The following SIPA1L2 variants were observed in gnomAD, a reference collection of about 807,000 sequenced individuals.
SIPA1L2 encodes signal induced proliferation associated 1 like 2.
SIPA1L2 carries 56 observed loss-of-function variants against 163.9 expected under a neutral mutation model. That is an observed-to-expected ratio of 0.34 (90% CI 0.28 to 0.43). The LOEUF is 0.43. Ranked by LOEUF, SIPA1L2 falls within the 20% of genes least tolerant of loss-of-function variation. The pLI is 1.00. For missense variants in SIPA1L2, 1,974 were observed against 2,193.5 expected, an observed-to-expected ratio of 0.90 and a Z score of 2.00; for synonymous variants, 877 against 865.7, an observed-to-expected ratio of 1.01 and a Z score of -0.23.
At chr1:232,443,347 T>A (rs373699338) in intron 12 of SIPA1L2, among the ~76,000 whole-genome samples, 1 of 152,170 alleles carries the variant, frequency 6.6e-6, no homozygotes, top group African/African-American at 2.4e-5. Context: ...AGCCCTCACA[T>A]CCTTAATTTT....
rs201731898 is a variant in SIPA1L2 at position 232,510,519 on chromosome 1, CTTAT to C, written c.1483+3334_1483+3337del. 6.6e-3 allele frequency among the ~76,000 whole-genome samples: 1,003 copies of C among 152,266 alleles called. 25 individuals carry two copies. The South Asian group carries it at 0.078, about 12-fold the overall frequency. ...TCTACACTCAGATTCTTCTTTGGAG[CTTAT>C]TTATTTCACATTCAAACCTAAGCAG... On this transcript the variant is annotated intron_variant, in intron 3 of 22. Transcript: ENST00000674635.
At chr1:232,546,450 A>G (rs1030508482) in intron 2 of SIPA1L2, among the ~76,000 whole-genome samples, 1 of 152,198 alleles carries the variant, frequency 6.6e-6, no homozygotes, top group African/African-American at 2.4e-5. Context: ...CTAGTAAAAG[A>G]TTTAACAGGA....
chr1:232,488,392 C>T (rs1343536015), intron 5 of SIPA1L2, among the ~76,000 whole-genome samples: 1 of 152,170 alleles, frequency 6.6e-6, no homozygotes, highest in Non-Finnish European at 1.5e-5. Flanking sequence ...ATAAACTCTC[C>T]ACCACCCTAA....
intron 2 of SIPA1L2, among the ~76,000 whole-genome samples, chr1:232,555,647 C>G (rs1190961975): frequency 6.6e-6 from 1 of 152,128 alleles, no homozygotes; most frequent in Non-Finnish European, 1.5e-5. Flanking sequence ...GAGTAAAGGT[C>G]CAGACCATGA....
At chr1:232,494,058 G>A (rs894156102) in intron 3 of SIPA1L2, among the ~76,000 whole-genome samples, 11 of 152,150 alleles carry the variant, frequency 7.2e-5, no homozygotes, top group Admixed American at 2.6e-4. Flanking sequence ...ATCTTTTACC[G>A]AATGAGGGCA....
chr1:232,411,118 G>C (rs1286894339), intron 19 of SIPA1L2, among the ~76,000 whole-genome samples: 1 of 152,190 alleles, frequency 6.6e-6, no homozygotes, highest in Non-Finnish European at 1.5e-5. Context: ...TGCATCTCTA[G>C]ATTGCCCTTT....
At chr1:232,480,282 C>CA (rs967837951) in intron 6 of SIPA1L2, among the ~76,000 whole-genome samples, 2 of 151,514 alleles carry the variant, frequency 1.3e-5, no homozygotes, top group East Asian at 3.9e-4. Context: ...GAAATGAGAA[C>CA]AAAAAATGTT....
At position 232,443,701 on chromosome 1, in the gene SIPA1L2, G is replaced by C; in HGVS notation, c.3354-16C>G. On this transcript the variant is annotated splice_polypyrimidine_tract_variant and intron_variant, in intron 11 of 22. Transcript: ENST00000674635. ...GGGTGAGCTTCTGAAAGGTTGAGTA[G>C]AATCATTAACAGGGCACTGAACTAT... The C allele has an allele frequency of 6.2e-7, 1 of 1,603,644 alleles. No individual in the cohort carries two copies. Among genetic ancestry groups the C allele is most frequent in the Non-Finnish European group, 8.5e-7 (1 of 1,174,774 alleles).
intron 19 of SIPA1L2, among the ~76,000 whole-genome samples, chr1:232,412,773 A>G (rs1489168003): frequency 6.6e-6 from 1 of 152,172 alleles, no homozygotes; most frequent in African/African-American, 2.4e-5. Flanking sequence ...ATGGAGCAGC[A>G]TCAAAAATTA....
chr1:232,469,853 G>GAGTTGTTTAATTAATTAAACAA (rs1664711601), intron 8 of SIPA1L2, among the ~76,000 whole-genome samples: 3 of 144,950 alleles, frequency 2.1e-5, no homozygotes, highest in Admixed American at 6.8e-5. Context: ...TAATTAAACA[G>GAGTTGTTTAATTAATTAAACAA]AGTTGTTTAA....
chr1:232,608,998 A>G (rs575134438), intron 1 of SIPA1L2, among the ~76,000 whole-genome samples: 22 of 73,354 alleles, frequency 3.0e-4, no homozygotes, highest in African/African-American at 9.9e-4. Context: ...GCTGTGAAAA[A>G]AGAAAAAAAA....
intron 19 of SIPA1L2, among the ~76,000 whole-genome samples, chr1:232,410,280 T>A (rs893294008): frequency 1.3e-5 from 2 of 152,190 alleles, no homozygotes; most frequent in African/African-American, 4.8e-5. Flanking sequence ...TAGGTTCTAA[T>A]TCTATTAGAT....
chr1:232,498,526 A>G (rs961311307), intron 3 of SIPA1L2, among the ~76,000 whole-genome samples: 1 of 152,252 alleles, frequency 6.6e-6, no homozygotes, highest in Non-Finnish European at 1.5e-5. Flanking sequence ...GTCAGTTTCA[A>G]TAAGCAAAAA....
intron 5 of SIPA1L2, among the ~76,000 whole-genome samples, chr1:232,488,518 GATACCATTAA>G (rs1665762272): frequency 6.6e-6 from 1 of 152,284 alleles, no homozygotes; most frequent in South Asian, 2.1e-4. Flanking sequence ...ATGGGAATCT[GATACCATTAA>G]GAGTTTTAGG....
intron 2 of SIPA1L2, among the ~76,000 whole-genome samples, chr1:232,540,480 T>C (rs560157771): frequency 2.0e-5 from 3 of 152,276 alleles, no homozygotes; most frequent in Admixed American, 2.0e-4. Context: ...TTGCCTCCAT[T>C]GCCCATCCCC....
chr1:232,398,618 T>C lies in SIPA1L2; in HGVS notation c.*509A>G, dbSNP rs1660155644. Reference sequence around the variant, plus strand: ...CAACTATGTACTATGCCTCCTTTCTTATTGCTATGGTAATGTGGCTGTGGA... The same window carrying C: ...CAACTATGTACTATGCCTCCTTTCTCATTGCTATGGTAATGTGGCTGTGGA... On this transcript the variant is annotated 3_prime_UTR_variant, in exon 23 of 23. Transcript: ENST00000674635. 6.5e-6 allele frequency: 1 copy of C among 152,940 alleles called. No individual in the cohort carries two copies. The highest frequency in any genetic ancestry group is 3.4e-3 in the Middle Eastern group (1 of 296). 9.5% of individuals were successfully genotyped at this position (152,940 alleles called of 1,614,324 possible). A position where few individuals can be genotyped will look rare whatever the true frequency, so the allele number is the denominator to read the frequency against.
intron 2 of SIPA1L2, among the ~76,000 whole-genome samples, chr1:232,530,505 G>A (rs6698645): frequency 0.017 from 2,567 of 152,090 alleles, 81 homozygotes; most frequent in African/African-American, 0.059. Context: ...CCATAAAAGC[G>A]TAGTACAACT....
chr1:232,571,037 A>G (rs1291821230), intron 2 of SIPA1L2, among the ~76,000 whole-genome samples: 1 of 151,946 alleles, frequency 6.6e-6, no homozygotes, highest in African/African-American at 2.4e-5. Flanking sequence ...TCTATTGCAA[A>G]AGGTATCTCC....
intron 2 of SIPA1L2, among the ~76,000 whole-genome samples, chr1:232,546,767 A>G (rs571436814): frequency 3.3e-5 from 5 of 152,236 alleles, no homozygotes; most frequent in Non-Finnish European, 7.3e-5. Context: ...GCATTAAGAC[A>G]TGTTGACAGC....
Sources: allele counts gnomAD v4.1 joint callset (sites outside exome capture counted in the v4.1 genomes callset), GRCh38; gene constraint gnomAD v4.1.1; transcripts MANE v1.5; gene names NCBI Gene and HGNC (gene_info 2026-07-23, HGNC 2026-07-21).